Variants in SLC33A1 observed in about 807,000 individuals in gnomAD.
SLC33A1 encodes the protein solute carrier family 33 member 1, also known as acetyl-coenzyme A transporter 1.
SLC33A1 carries 20 observed loss-of-function variants against 50.0 expected under a neutral mutation model. That is an observed-to-expected ratio of 0.40 (90% confidence interval 0.28 to 0.58). SLC33A1 has a LOEUF of 0.58. Among genes scored for constraint, SLC33A1 ranks in the 20% least tolerant of loss-of-function variants. The pLI, the probability that SLC33A1 is intolerant of heterozygous loss-of-function variation, is 0.44. For synonymous variants in SLC33A1, 265 were observed against 251.8 expected, an observed-to-expected ratio of 1.05 and a Z score of -0.50; for missense variants, 476 against 657.0, an observed-to-expected ratio of 0.72 and a Z score of 3.01.
chr3:155,842,826 T>C, intron 1 of SLC33A1: 1 of 345,206 alleles, frequency 2.9e-6, no homozygotes. Context: ...CTGGGCAACA[T>C]AGTGGGACCC....
At chr3:155,850,647 T>C (rs1753360306) in intron 1 of SLC33A1, among the ~76,000 whole-genome samples, 1 of 151,874 alleles carries the variant, frequency 6.6e-6, no homozygotes. Flanking sequence ...GATGGAGCCT[T>C]GCTCTGCCGC....
Position 155,823,401 on chromosome 3 carries a change from G to A in SLC33A1, c.*4809C>T, listed in dbSNP as rs1278375312. On this transcript the variant is annotated 3_prime_UTR_variant, in exon 6 of 6. Coordinates refer to ENST00000643144, the MANE Select transcript of SLC33A1 (RefSeq NM_004733.4). ...TAAAGTAAAAAGAGCCAGCAGCGGT[G>A]GCTCACGCCTGTAATCCCAGCACTT... The A allele has an allele frequency of 6.6e-6, 1 of 152,182 alleles. No homozygotes were observed. The highest frequency in any genetic ancestry group is 6.5e-5 in the Admixed American group (1 of 15,278). The allele number at this position is 152,182 out of a possible 1,614,324, so 9.4% of individuals were successfully genotyped here.
chr3:155,836,280 C>CTTAAAAAAAAA (rs1752659242), intron 2 of SLC33A1, among the ~76,000 whole-genome samples: 1 of 27,164 alleles, frequency 3.7e-5, no homozygotes, highest in East Asian at 1.1e-3. Context: ...GAGACTCTGT[C>CTTAAAAAAAAA]AAAAAAAAAA....
Position 155,853,929 on chromosome 3 carries a change from CAG to C in SLC33A1, c.67_68del (p.Leu23GlyfsTer14), listed in dbSNP as rs747534873. The part of the protein sequence containing the change: ...QRRPGNFSHS[L>X]DMKSGPLPPG... ...GCGGCAGGGGACCGCTCTTCATATCCAGAGAGTGACTGAAATTCCCTGGCCGC... is the reference window on the plus strand; with the variant it reads ...GCGGCAGGGGACCGCTCTTCATATCCAGAGTGACTGAAATTCCCTGGCCGC... On this transcript the variant is annotated frameshift_variant, in exon 1 of 6. Coordinates refer to ENST00000643144, the MANE Select transcript of SLC33A1 (RefSeq NM_004733.4). LOFTEE classifies it high-confidence loss of function. 6.5e-7 allele frequency: 1 copy of C among 1,539,118 alleles called. No homozygotes were observed. Among genetic ancestry groups the C allele is most frequent in the Non-Finnish European group, 8.7e-7 (1 of 1,148,140 alleles).
intron 1 of SLC33A1, among the ~76,000 whole-genome samples, chr3:155,852,004 GAGA>G (rs1238961999): frequency 6.6e-6 from 1 of 152,136 alleles, no homozygotes; most frequent in African/African-American, 2.4e-5. Flanking sequence ...CACAGAAGCT[GAGA>G]AGTTCAGTTG....
rs113958455 is a variant in SLC33A1 at position 155,854,137 on chromosome 3, G to A, written c.-140C>T. The A allele has an allele frequency of 4.7e-6, 3 of 633,000 alleles. No homozygotes were observed. The highest frequency in any genetic ancestry group is 3.6e-5 in the African/African-American group (2 of 55,026). 39.2% of individuals were successfully genotyped at this position (633,000 alleles called of 1,614,324 possible). ...TGGTGGCAGGGCTCAGAGCGATAAGGGCACTTCTTACTGCAGCCCGGAGTG... is the reference window on the plus strand; with the variant it reads ...TGGTGGCAGGGCTCAGAGCGATAAGAGCACTTCTTACTGCAGCCCGGAGTG... On this transcript the variant is annotated 5_prime_UTR_variant, in exon 1 of 6. Coordinates refer to ENST00000643144, the MANE Select transcript of SLC33A1 (RefSeq NM_004733.4).
chr3:155,837,773 T>A lies in SLC33A1; in HGVS notation c.964-3732A>T, dbSNP rs1217482206. ...AACATATGCATCAAACATAAAAATA[T>A]ATATTGTATAGTCCATTAATATATA... On this transcript the variant is annotated intron_variant, in intron 2 of 5. Coordinates refer to ENST00000643144, the MANE Select transcript of SLC33A1 (RefSeq NM_004733.4). Among the ~76,000 whole-genome samples the A allele has an allele frequency of 2.6e-5, 4 of 152,190 alleles. No individual in the cohort carries two copies. The East Asian group carries it at 7.7e-4, about 29-fold the overall frequency.
chr3:155,832,195 T>G (rs1054142939), intron 4 of SLC33A1, among the ~76,000 whole-genome samples: 1 of 151,798 alleles, frequency 6.6e-6, no homozygotes, highest in African/African-American at 2.4e-5. Context: ...CTAACCAACA[T>G]GGAGAAACCC....
intron 1 of SLC33A1, among the ~76,000 whole-genome samples, chr3:155,846,225 T>TATACAAGGAA (rs1219140855): frequency 2.6e-5 from 4 of 152,344 alleles, no homozygotes; most frequent in Non-Finnish European, 5.9e-5. Context: ...TTATTACTCC[T>TATACAAGGAA]ACTTTATATA....
In SLC33A1 at chr3:155,823,578, G is replaced by A. The variant is rs1752136173; in HGVS notation, c.*4632C>T. On this transcript the variant is annotated 3_prime_UTR_variant, in exon 6 of 6. Coordinates refer to ENST00000643144, the MANE Select transcript of SLC33A1 (RefSeq NM_004733.4). ...CCAGCTACTTGGAAGGCTGAGGCAG[G>A]AGAATCGCTTGAACCCGGGAGGCGG... is the stretch of plus-strand genomic sequence containing the variant. 1 of 148,588 alleles carries A rather than the reference G, an allele frequency of 6.7e-6. No individual in the cohort carries two copies. The highest frequency in any genetic ancestry group is 1.5e-5 in the Non-Finnish European group (1 of 68,288). The allele number at this position is 148,588 out of a possible 1,614,324, so 9.2% of individuals were successfully genotyped here.
At chr3:155,840,713 C>G (rs1420025950) in intron 2 of SLC33A1, among the ~76,000 whole-genome samples, 1 of 152,086 alleles carries the variant, frequency 6.6e-6, no homozygotes, top group Non-Finnish European at 1.5e-5. Context: ...ACTTGGGAGG[C>G]TGAGGCAGGA....
At chr3:155,843,136 C>A (rs1235396616) in intron 1 of SLC33A1, 1 of 151,986 alleles carries the variant, frequency 6.6e-6, no homozygotes, top group Non-Finnish European at 1.5e-5. Context: ...ACAACAACAA[C>A]CAAAAAGGCA....
At chr3:155,841,855 C>T (rs1180320520) in intron 2 of SLC33A1, among the ~76,000 whole-genome samples, 1 of 152,072 alleles carries the variant, frequency 6.6e-6, no homozygotes, top group East Asian at 1.9e-4. Flanking sequence ...TCAAGTGATT[C>T]TCCTGCCTCA....
chr3:155,824,552 A>C lies in SLC33A1; in HGVS notation c.*3658T>G, dbSNP rs1310350167. 3 of 152,164 alleles carry C rather than the reference A, an allele frequency of 2.0e-5. No homozygotes were observed. Among genetic ancestry groups the C allele is most frequent in the Non-Finnish European group, 4.4e-5 (3 of 68,036 alleles). The allele number at this position is 152,164 out of a possible 1,614,324, so 9.4% of individuals were successfully genotyped here. A position where few individuals can be genotyped will look rare whatever the true frequency, so the allele number is the denominator to read the frequency against. ...TCTACTCTAATTCCTTCAAAGTTTC[A>C]AGTTCAATACAGTATAACATATGCA... On this transcript the variant is annotated 3_prime_UTR_variant, in exon 6 of 6. Coordinates refer to ENST00000643144, the MANE Select transcript of SLC33A1 (RefSeq NM_004733.4).
In SLC33A1 at chr3:155,838,165, T is replaced by A. The variant is rs183158848; in HGVS notation, c.964-4124A>T. On this transcript the variant is annotated intron_variant, in intron 2 of 5. Coordinates refer to ENST00000643144, the MANE Select transcript of SLC33A1 (RefSeq NM_004733.4). ...CTAAAAATACAAAATTAGCCGGGCA[T>A]GGTGGTGCACGCCTGTAATCCCAGC... Among the ~76,000 whole-genome samples, 311 of 151,810 alleles carry A rather than the reference T, an allele frequency of 2.0e-3. 1 individual carries two copies. The highest frequency in any genetic ancestry group is 7.0e-3 in the African/African-American group (290 of 41,354).
rs1753489530 is a variant in SLC33A1 at position 155,853,395 on chromosome 3, C to T, written c.603G>A (p.Ala201=). 6.2e-7 allele frequency: 1 copy of T among 1,613,964 alleles called. No homozygotes were observed. Among genetic ancestry groups the T allele is most frequent in the African/African-American group, 1.3e-5 (1 of 74,922 alleles). Residue 201 remains alanine (A), a synonymous_variant, in exon 1 of 6, where the codon GCG becomes GCA. Coordinates refer to ENST00000643144, the MANE Select transcript of SLC33A1 (RefSeq NM_004733.4). ...ATQDIAVDGW[A]LTMLSRENVG... ...CATTTTCCCTGGATAACATAGTTAA[C>T]GCCCAACCATCGACGGCAATGTCCT...
rs1310865634 is a variant in SLC33A1, at chr3:155,821,365, A to G, written c.*6845T>C. On this transcript the variant is annotated 3_prime_UTR_variant, in exon 6 of 6. Transcript: ENST00000643144. The stretch of plus-strand genomic sequence containing the variant: ...CTTTCAACATTGAGTATTTTTTCCA[A>G]TTTTACACTAATTCTTGCAAAGGCA... 2.0e-5 allele frequency: 3 copies of G among 152,206 alleles called. No homozygotes were observed. Among genetic ancestry groups the G allele is most frequent in the Non-Finnish European group, 4.4e-5 (3 of 68,034 alleles). The allele number at this position is 152,206 out of a possible 1,614,324, so 9.4% of individuals were successfully genotyped here.
chr3:155,846,223 C>T (rs1439302272), intron 1 of SLC33A1, among the ~76,000 whole-genome samples: 1 of 152,186 alleles, frequency 6.6e-6, no homozygotes, highest in Non-Finnish European at 1.5e-5. Flanking sequence ...CATTATTACT[C>T]CTACTTTATA....
chr3:155,836,492 C>CTTT (rs1752687674), intron 2 of SLC33A1, among the ~76,000 whole-genome samples: 2 of 151,806 alleles, frequency 1.3e-5, no homozygotes, highest in Non-Finnish European at 2.9e-5. Flanking sequence ...ATAAGACATA[C>CTTT]AAACTGACTT....
Sources: allele counts gnomAD v4.1 joint callset (sites outside exome capture counted in the v4.1 genomes callset), GRCh38; gene constraint gnomAD v4.1.1; transcripts MANE v1.5; gene names NCBI Gene and HGNC (gene_info 2026-07-23, HGNC 2026-07-21).